The following TXNDC9 variants were observed in gnomAD, a reference collection of about 807,000 sequenced individuals.
TXNDC9 encodes thioredoxin domain containing 9.
In TXNDC9, 7 loss-of-function variants were observed where a neutral mutation model predicts 23.0. That is an observed-to-expected ratio of 0.30 (90% CI 0.17 to 0.57). TXNDC9 has a LOEUF of 0.57. TXNDC9 is among the 20% of genes least tolerant of loss of function. The pLI is 0.90. For missense variants in TXNDC9, 198 were observed against 252.6 expected (o/e 0.78, Z 1.47); for synonymous variants, 72 against 90.6 (o/e 0.79, Z 1.17).
intron 3 of TXNDC9, chr2:99,322,496 A>T: frequency 7.0e-7 from 1 of 1,431,126 alleles, no homozygotes; most frequent in South Asian, 1.6e-5. Flanking sequence ...AAGTTGTCCT[A>T]TCTCCTACAC....
chr2:99,336,069 C>G (rs1011838347), intron 1 of TXNDC9, among the ~76,000 whole-genome samples, 170 bp downstream of exon 1: 2 of 152,244 alleles, frequency 1.3e-5, no homozygotes, highest in Admixed American at 1.3e-4. Context: ...AGCACAGTCC[C>G]GGTGGCCCCA....
In TXNDC9 at chr2:99,333,223, T is replaced by C; in HGVS notation, c.-13A>G. ...CATCAGCTTCCATTCTTCCAAATGG[T>C]ACAGAGTTCAGCCTGGGTGCTGGGG... On this transcript the variant is annotated 5_prime_UTR_variant, in exon 2 of 5. Transcript: ENST00000264255. 1 of 1,610,842 alleles carries C rather than the reference T, an allele frequency of 6.2e-7. No individual in the cohort carries two copies. Among genetic ancestry groups the C allele is most frequent in the East Asian group, 2.2e-5 (1 of 44,820 alleles).
rs923517382 is a variant in TXNDC9 at position 99,322,073 on chromosome 2, G to C, written c.445C>G (p.Leu149Val). 1.2e-6 allele frequency: 2 copies of C among 1,613,968 alleles called. No homozygotes were observed. Among genetic ancestry groups the C allele is most frequent in the African/African-American group, 2.7e-5 (2 of 74,924 alleles). The part of the protein sequence containing the change: ...HIKVIPTLAL[L>V]KDGKTQDYVV... The stretch of plus-strand genomic sequence containing the variant: ...TAATCTTGTGTTTTCCCATCTTTTA[G>C]CAGTGCTAGTGTGGGAATGACTTTG... The change falls in exon 4 of 5, where the codon CTA (leucine) becomes GTA (valine). Residue 149 changes from leucine to valine, a missense_variant. Transcript: ENST00000264255.
chr2:99,328,603 C>A (rs2094218188), intron 2 of TXNDC9, among the ~76,000 whole-genome samples: 2 of 152,066 alleles, frequency 1.3e-5, no homozygotes, highest in Admixed American at 1.3e-4. Context: ...ATGTAAATAT[C>A]CACTTAACTC....
At chr2:99,330,398 G>A (rs551069052) in intron 2 of TXNDC9, among the ~76,000 whole-genome samples, 1 of 149,332 alleles carries the variant, frequency 6.7e-6, no homozygotes, top group South Asian at 2.2e-4. Context: ...GGGCTCCTTT[G>A]AGGGAGGATG....
intron 3 of TXNDC9, chr2:99,322,552 G>A (rs756514235): frequency 6.7e-7 from 1 of 1,502,744 alleles, no homozygotes; most frequent in Non-Finnish European, 8.9e-7. Flanking sequence ...AAACTCGGAA[G>A]AGACTTACAA....
the TXNDC9 span, among the ~76,000 whole-genome samples, chr2:99,313,543 T>G: frequency 6.6e-6 from 1 of 152,068 alleles, no homozygotes; most frequent in East Asian, 1.9e-4. Context: ...GAAGCTGAGG[T>G]GGGAGGATCA....
intron 3 of TXNDC9, among the ~76,000 whole-genome samples, chr2:99,325,872 G>A (rs966091818): frequency 1.3e-5 from 2 of 152,094 alleles, no homozygotes; most frequent in Admixed American, 6.5e-5. Context: ...TTAGCCGGGT[G>A]TAGTGGTGGG....
chr2:99,335,398 A>C (rs1022883995), intron 1 of TXNDC9, among the ~76,000 whole-genome samples: 6 of 152,240 alleles, frequency 3.9e-5, no homozygotes, highest in African/African-American at 1.4e-4. Flanking sequence ...CACAGCAGGT[A>C]CTCAATAAAC....
chr2:99,333,085 A>G lies in TXNDC9; in HGVS notation c.126T>C (p.Asp42=). ...TCTTTTCTTTAAGGCGTTCCAATTC[A>G]TCCTCATCCATCTGATCCAGTTTTT... ...EIQKLDQMDE[D]ELERLKEKRL... Residue 42 remains aspartate (D), a synonymous_variant, in exon 2 of 5, where the codon GAT becomes GAC. Transcript: ENST00000264255. 1 of 1,614,102 alleles carries G rather than the reference A, an allele frequency of 6.2e-7. No homozygotes were observed. Among genetic ancestry groups the G allele is most frequent in the South Asian group, 1.1e-5 (1 of 91,080 alleles).
At chr2:99,314,528 C>CTTTT (rs1559230942), downstream of TXNDC9, among the ~76,000 whole-genome samples, 1 of 51,126 alleles carries the variant, frequency 2.0e-5, no homozygotes, top group African/African-American at 5.6e-5. Flanking sequence ...AAATACTACA[C>CTTTT]CTTTTTTTTT....
chr2:99,309,949 C>T, the TXNDC9 span, among the ~76,000 whole-genome samples: 4 of 151,918 alleles, frequency 2.6e-5, no homozygotes, highest in South Asian at 4.2e-4. Flanking sequence ...CCTCCTAAAG[C>T]GCTGGGATTA....
At chr2:99,311,132 C>T in the TXNDC9 span, among the ~76,000 whole-genome samples, 8 of 152,268 alleles carry the variant, frequency 5.3e-5, no homozygotes, top group South Asian at 1.7e-3. Context: ...CTCCAGTGAA[C>T]CTCCCATCTC....
downstream of TXNDC9, among the ~76,000 whole-genome samples, chr2:99,316,444 C>G (rs1574901383): frequency 6.6e-6 from 1 of 152,264 alleles, no homozygotes; most frequent in Middle Eastern, 3.4e-3. Flanking sequence ...GCTGGGATTA[C>G]AGGAGTGAGC....
At chr2:99,322,602 T>G (rs573918664) in intron 3 of TXNDC9, 2 of 1,539,272 alleles carry the variant, frequency 1.3e-6, no homozygotes, top group East Asian at 4.9e-5. Flanking sequence ...TTGGAAGTCA[T>G]GAAGAAAAAC....
the TXNDC9 span, among the ~76,000 whole-genome samples, chr2:99,311,446 C>G: frequency 6.6e-6 from 1 of 151,952 alleles, no homozygotes; most frequent in Non-Finnish European, 1.5e-5. Context: ...TGCCACCATG[C>G]CCGGTTAATT....
intron 3 of TXNDC9, among the ~76,000 whole-genome samples, chr2:99,323,821 C>G (rs1409873787): frequency 1.3e-5 from 2 of 152,070 alleles, no homozygotes; most frequent in African/African-American, 2.4e-5. Flanking sequence ...GTTCTTAACC[C>G]CAGGTGTTCA....
chr2:99,323,087 T>C (rs111390276), intron 3 of TXNDC9, among the ~76,000 whole-genome samples: 18 of 151,886 alleles, frequency 1.2e-4, no homozygotes, highest in African/African-American at 4.1e-4. Flanking sequence ...TATTAAGCCA[T>C]CTTCCAATGA....
chr2:99,307,035 TTTTC>T, the TXNDC9 span, among the ~76,000 whole-genome samples: 52,735 of 110,036 alleles, frequency 0.48, 11,063 homozygotes, highest in East Asian at 0.7. Context: ...TCCTTCTTCC[TTTTC>T]TTTCTTCCTT....
Sources: allele counts gnomAD v4.1 joint callset (sites outside exome capture counted in the v4.1 genomes callset), GRCh38; gene constraint gnomAD v4.1.1; transcripts MANE v1.5; gene names NCBI Gene and HGNC (gene_info 2026-07-23, HGNC 2026-07-21).